The following SCIN variants were observed in gnomAD, a reference collection of about 807,000 sequenced individuals.
SCIN encodes adseverin.
SCIN carries 91 observed loss-of-function variants against 91.8 expected under a neutral mutation model. The observed-to-expected ratio is 0.99, with a 90% CI of 0.84 to 1.18. SCIN has a LOEUF of 1.18. Among genes scored for constraint, SCIN ranks in the 50% most tolerant of loss-of-function variants. The pLI is 0.00. For missense variants in SCIN, 1,087 were observed against 863.9 expected, an observed-to-expected ratio of 1.26 and a Z score of -3.24; for synonymous variants, 367 against 312.6, an observed-to-expected ratio of 1.17 and a Z score of -1.84.
At position 12,625,773 on chromosome 7, in the gene SCIN, A is replaced by G; in HGVS notation, c.904A>G (p.Asn302Asp). The change falls in exon 7 of 16, where the codon AAT becomes GAT. Residue 302 changes from asparagine to aspartate, a missense_variant. Physicochemically the swap from Asn to Asp is conservative, Grantham distance 23. Transcript: ENST00000297029. ...ACCTTGTATTTTAGGTAAAGATGCTAATCCCCAAGAGAGGAAGGCTGCAAT... is the reference window on the plus strand; with the variant it reads ...ACCTTGTATTTTAGGTAAAGATGCTGATCCCCAAGAGAGGAAGGCTGCAAT... The part of the protein sequence containing the change: ...QIFVWKGKDA[N>D]PQERKAAMKT... 1 of 1,608,284 alleles carries G rather than the reference A, an allele frequency of 6.2e-7. No homozygotes were observed. Among genetic ancestry groups the G allele is most frequent in the South Asian group, 1.1e-5 (1 of 90,162 alleles).
rs1158151394 is a variant in SCIN, at chr7:12,653,841, A to G, written c.*1126A>G. The G allele has an allele frequency of 1.3e-5, 2 of 152,150 alleles. No homozygotes were observed. The highest frequency in any genetic ancestry group is 2.9e-5 in the Non-Finnish European group (2 of 67,998). 9.4% of individuals were successfully genotyped at this position (152,150 alleles called of 1,614,324 possible). A position where few individuals can be genotyped will look rare whatever the true frequency, so the allele number is the denominator to read the frequency against. On this transcript the variant is annotated 3_prime_UTR_variant, in exon 16 of 16. Coordinates refer to ENST00000297029, the MANE Select transcript of SCIN (RefSeq NM_001112706.3). The surrounding 1 kb of genome is among the most constrained non-coding windows in gnomAD (Gnocchi z 4.1). ...CAAAGCTACAGAAAAGTGAGTTTTTATGTTTTCCATTCTTCCCTTTTCTAA... is the reference window on the plus strand; with the variant it reads ...CAAAGCTACAGAAAAGTGAGTTTTTGTGTTTTCCATTCTTCCCTTTTCTAA...
At chr7:12,576,701 C>G (rs1782379279) in intron 1 of SCIN, among the ~76,000 whole-genome samples, 1 of 147,598 alleles carries the variant, frequency 6.8e-6, no homozygotes, top group Non-Finnish European at 1.5e-5. Context: ...AAACCTACAT[C>G]TGGTCTTTTT....
In SCIN at chr7:12,640,395, A is replaced by G; in HGVS notation, c.1459A>G (p.Lys487Glu). 1 of 1,613,148 alleles carries G rather than the reference A, an allele frequency of 6.2e-7. No homozygotes were observed. The highest frequency in any genetic ancestry group is 2.2e-5 in the East Asian group (1 of 44,822). The change falls in exon 11 of 16, where the codon AAA (lysine) becomes GAA (glutamate). Residue 487 changes from lysine (K) to glutamate (E), a missense_variant. Physicochemically the swap from Lys to Glu is moderately conservative, Grantham distance 56 (BLOSUM62 1). Coordinates refer to ENST00000297029, the MANE Select transcript of SCIN (RefSeq NM_001112706.3). ...KEPVHLLSLF[K>E]DKPLIIYKNG... The stretch of plus-strand genomic sequence containing the variant: ...GCCTGTTCACCTACTGAGTTTGTTC[A>G]AAGACAAACCGCTCATTATTTACAA...
intron 1 of SCIN, 120 bp downstream of exon 1, chr7:12,571,105 C>T: frequency 1.8e-6 from 2 of 1,135,914 alleles, no homozygotes; most frequent in Non-Finnish European, 2.4e-6. Flanking sequence ...GCCACTCGCG[C>T]CCCCACGGGG....
chr7:12,603,175 C>T (rs563558081), intron 3 of SCIN, among the ~76,000 whole-genome samples: 51 of 151,798 alleles, frequency 3.4e-4, no homozygotes, highest in African/African-American at 1.2e-3. Flanking sequence ...GACAGTGTCT[C>T]GCTCTGTCCC....
chr7:12,649,619 G>GT lies in SCIN; in HGVS notation c.1959+76dup, dbSNP rs1784037764. Reference sequence around the variant, plus strand: ...ATGACAGAACTTGATCTGAGAAATGGTAAGTCTAGATATAAATGAGCCTAG... The same window carrying GT: ...ATGACAGAACTTGATCTGAGAAATGGTTAAGTCTAGATATAAATGAGCCTAG... On this transcript the variant is annotated intron_variant, in intron 14 of 15. Coordinates refer to ENST00000297029, the MANE Select transcript of SCIN (RefSeq NM_001112706.3). The GT allele has an allele frequency of 4.2e-6, 4 of 952,036 alleles. No homozygotes were observed. The East Asian group carries it at 1.1e-4, about 25-fold the overall frequency. The allele number at this position is 952,036 out of a possible 1,614,324, so 59.0% of individuals were successfully genotyped here.
At chr7:12,581,005 C>A (rs1187798121) in intron 2 of SCIN, 55 bp from the exon 3 acceptor site, 4 of 1,519,420 alleles carry the variant, frequency 2.6e-6, no homozygotes, top group Non-Finnish European at 3.6e-6. Flanking sequence ...TCTAGGCAGA[C>A]ACCTCATCAG....
At chr7:12,578,351 G>T in intron 2 of SCIN, 133 bp downstream of exon 2, 1 of 750,738 alleles carries the variant, frequency 1.3e-6, no homozygotes, top group Non-Finnish European at 2.0e-6. Context: ...AATCTGTTTT[G>T]TTCATGGATA....
intron 1 of SCIN, chr7:12,571,279 C>T (rs1305782334): frequency 4.5e-6 from 2 of 439,778 alleles, no homozygotes; most frequent in Non-Finnish European, 8.2e-6. Context: ...CCCCTTTCAC[C>T]GTCAAGTATC....
Position 12,570,792 on chromosome 7 carries a change from G to A in SCIN, c.6G>A (p.Ala2=), listed in dbSNP as rs957170503. The change falls in exon 1 of 16, where the codon GCG becomes GCA. Residue 2 remains alanine, a synonymous_variant. Coordinates refer to ENST00000297029, the MANE Select transcript of SCIN (RefSeq NM_001112706.3). M[A]RELYHEEFAR... ...GAGCATCGCGTGCAGGAGCCATGGC[G>A]CGGGAGCTATACCACGAAGAGTTCG... 5 of 1,550,730 alleles carry A rather than the reference G, an allele frequency of 3.2e-6. No homozygotes were observed. The African/African-American group carries it at 5.5e-5, about 17-fold the overall frequency.
At chr7:12,605,982 G>A (rs1210459029) in intron 4 of SCIN, among the ~76,000 whole-genome samples, 2 of 152,144 alleles carry the variant, frequency 1.3e-5, no homozygotes, top group African/African-American at 2.4e-5. Flanking sequence ...GAATATTGCA[G>A]TGACTACCTA....
chr7:12,649,660 T>G, intron 14 of SCIN, 116 bp downstream of exon 14: 1 of 533,966 alleles, frequency 1.9e-6, no homozygotes, highest in Non-Finnish European at 3.2e-6. Flanking sequence ...TAGGCTGTAT[T>G]TAAAAAACAC....
At chr7:12,580,134 C>G (rs1782457875) in intron 2 of SCIN, among the ~76,000 whole-genome samples, 1 of 151,894 alleles carries the variant, frequency 6.6e-6, no homozygotes, top group African/African-American at 2.4e-5. Context: ...AAAGAATGTG[C>G]TAATGACAAA....
At chr7:12,596,128 T>C (rs1176496191) in intron 3 of SCIN, 1 of 281,816 alleles carries the variant, frequency 3.5e-6, no homozygotes, top group African/African-American at 2.2e-5. Flanking sequence ...CCTAGGATTT[T>C]ATAGATTCCT....
chr7:12,626,583 G>C lies in SCIN; in HGVS notation c.982-1G>C, dbSNP rs1271957903. 1.3e-6 allele frequency: 2 copies of C among 1,532,748 alleles called. No homozygotes were observed. The highest frequency in any genetic ancestry group is 2.8e-5 in the African/African-American group (2 of 72,240). 94.9% of individuals were successfully genotyped at this position (1,532,748 alleles called of 1,614,324 possible). A position where few individuals can be genotyped will look rare whatever the true frequency, so the allele number is the denominator to read the frequency against. ...ACTATTATTATTATTTTAAATTTCA[G>C]ATTCAAGTTCTTCCAGAAGGAGGTG... On this transcript the variant is annotated splice_acceptor_variant, in intron 7 of 15. Transcript: ENST00000297029. LOFTEE classifies it high-confidence loss of function.
chr7:12,583,663 A>G (rs952507244), intron 3 of SCIN, among the ~76,000 whole-genome samples: 1 of 152,076 alleles, frequency 6.6e-6, no homozygotes, highest in Non-Finnish European at 1.5e-5. Context: ...ATTTTGCAGA[A>G]CAAATACAGA....
At chr7:12,609,450 C>A (rs1232510654) in intron 4 of SCIN, among the ~76,000 whole-genome samples, 1 of 151,844 alleles carries the variant, frequency 6.6e-6, no homozygotes, top group African/African-American at 2.4e-5. Context: ...ATTTCACTAG[C>A]CCTAAGGTCC....
chr7:12,635,962 A>G (rs1011678009), intron 9 of SCIN, 83 bp from the exon 10 acceptor site: 1 of 949,704 alleles, frequency 1.1e-6, no homozygotes, highest in Admixed American at 2.0e-5. Flanking sequence ...CTTTCATAAT[A>G]ACTTGTCTCT....
intron 4 of SCIN, 90 bp downstream of exon 4, chr7:12,604,753 G>C (rs1265555113): frequency 9.4e-7 from 1 of 1,061,548 alleles, no homozygotes; most frequent in Non-Finnish European, 1.3e-6. Flanking sequence ...GCAGCAGGGT[G>C]GGGAAGAAGG....
Sources: gnomAD v4.1 joint callset for allele counts (sites outside exome capture counted in the v4.1 genomes callset) on GRCh38, gnomAD v4.1.1 for gene constraint, Gnocchi (gnomAD v3.1) non-coding constraint, MANE v1.5 for transcripts, NCBI Gene and HGNC (gene_info 2026-07-23, HGNC 2026-07-21) for gene names.